Variants in ADSL observed in about 807,000 individuals in gnomAD.
The protein encoded by ADSL is adenylosuccinate lyase.
A neutral mutation model predicts 62.1 loss-of-function variants in ADSL; 44 were observed. The ratio of observed to expected loss-of-function variants is 0.71; its 90% CI spans 0.56 to 0.91. The LOEUF is 0.91. Among genes scored for constraint, ADSL ranks in the 40% least tolerant of loss-of-function variants. ADSL has a pLI of 0.00. For missense variants in ADSL, 531 were observed against 627.4 expected (o/e 0.85, Z 1.64); for synonymous variants, 198 against 220.5 (o/e 0.90, Z 0.90).
At chr22:40,362,630 G>A (rs549846810) in intron 9 of ADSL, among the ~76,000 whole-genome samples, 1 of 152,220 alleles carries the variant, frequency 6.6e-6, no homozygotes, top group Admixed American at 6.5e-5. Context: ...AAAGAGCTTG[G>A]TGAGTGGGGC....
intron 2 of ADSL, among the ~76,000 whole-genome samples, chr22:40,384,258 C>G (rs778729688): frequency 6.6e-6 from 1 of 151,084 alleles, no homozygotes; most frequent in Non-Finnish European, 1.5e-5. Context: ...ACAACAACAA[C>G]GACAAAAAAA....
chr22:40,370,354 CA>C (rs11328048), downstream of ADSL, among the ~76,000 whole-genome samples: 17,374 of 86,386 alleles, frequency 0.2, 1,329 homozygotes, highest in Admixed American at 0.39. Flanking sequence ...GACTCCATCT[CA>C]AAAAAAAAAA....
In ADSL at chr22:40,358,822, GTCTC is replaced by G. The variant is rs3830737; in HGVS notation, c.483-41_483-38del. 0.18 allele frequency: 295,636 copies of G among 1,605,774 alleles called. 32,271 individuals are homozygous for G. Among genetic ancestry groups the G allele is most frequent in the Admixed American group, 0.48 (28,991 of 59,904 alleles). ...AGCAATGAAACCTTGATGATTTAAG[GTCTC>G]GGTCTGAGACTTTCGTGTGTTCTCT... On this transcript the variant is annotated intron_variant, in intron 4 of 12. Coordinates refer to ENST00000623063, the MANE Select transcript of ADSL (RefSeq NM_000026.4).
Position 40,358,931 on chromosome 22 carries a change from C to T in ADSL, c.550C>T (p.Gln184Ter), listed in dbSNP as rs1569096551. The change falls in exon 5 of 13, where the codon CAG (glutamine) becomes TAG (stop). Residue 184 changes from glutamine (Q) to a stop codon, truncating the protein, a stop_gained. Transcript: ENST00000623063. LOFTEE classifies it high-confidence loss of function. ...GATTCAGGATCTTTGCATGGATCTC[C>T]AGAACTTGAAGCGTGTCCGAGATGA... ...LWIQDLCMDL[Q>*]NLKRVRDDLR... 1 of 1,614,174 alleles carries T rather than the reference C, an allele frequency of 6.2e-7. No individual in the cohort carries two copies. The highest frequency in any genetic ancestry group is 8.5e-7 in the Non-Finnish European group (1 of 1,180,032).
At chr22:40,349,374 T>G (rs932057559) in intron 1 of ADSL, among the ~76,000 whole-genome samples, 1 of 141,382 alleles carries the variant, frequency 7.1e-6, no homozygotes, top group African/African-American at 2.5e-5. Context: ...ATTGGAGCTT[T>G]CTTTTTTTTT....
At chr22:40,380,346 T>C (rs1351782738) in intron 2 of ADSL, among the ~76,000 whole-genome samples, 1 of 151,538 alleles carries the variant, frequency 6.6e-6, no homozygotes, top group African/African-American at 2.4e-5. Flanking sequence ...TAGCTTTTTT[T>C]AACCATGAAT....
chr22:40,363,188 C>A, intron 10 of ADSL, 117 bp downstream of exon 10: 1 of 910,430 alleles, frequency 1.1e-6, no homozygotes, highest in Non-Finnish European at 1.8e-6. Flanking sequence ...TCTTCCCACC[C>A]GAGCTCATCC....
intron 2 of ADSL, among the ~76,000 whole-genome samples, chr22:40,351,735 T>C (rs1412692378): frequency 6.6e-6 from 1 of 151,938 alleles, no homozygotes; most frequent in Non-Finnish European, 1.5e-5. Context: ...TGAGACGGAG[T>C]CTCGCTCTGT....
rs1210367027 is a variant in ADSL, at chr22:40,360,408, C to T, written c.708C>T (p.Phe236=). 6.2e-7 allele frequency: 1 copy of T among 1,612,922 alleles called. No homozygotes were observed. Among genetic ancestry groups the T allele is most frequent in the South Asian group, 1.1e-5 (1 of 91,046 alleles). ...VTEKAGFKRA[F]IITGQTYTRK... ...CTCTTGTACTTATTCCTAGAGCTTT[C>T]ATCATCACAGGGCAGACATATACAC... Residue 236 remains phenylalanine, a synonymous_variant, in exon 7 of 13, where the codon TTC becomes TTT. Coordinates refer to ENST00000623063, the MANE Select transcript of ADSL (RefSeq NM_000026.4).
intron 4 of ADSL, among the ~76,000 whole-genome samples, chr22:40,355,344 T>C (rs2044513637): frequency 6.6e-6 from 1 of 152,132 alleles, no homozygotes; most frequent in Non-Finnish European, 1.5e-5. Flanking sequence ...GGTTTCGCCA[T>C]GTTAGCCAGG....
chr22:40,362,936 A>C, intron 9 of ADSL, 45 bp from the exon 10 acceptor site: 2 of 1,544,754 alleles, frequency 1.3e-6, no homozygotes, highest in Non-Finnish European at 1.8e-6. Flanking sequence ...CATTTCACTG[A>C]AATTATTTGT....
intron 1 of ADSL, among the ~76,000 whole-genome samples, chr22:40,347,753 C>T (rs1313890014): frequency 6.6e-6 from 1 of 152,208 alleles, no homozygotes; most frequent in East Asian, 1.9e-4. Flanking sequence ...GCTTATTAAT[C>T]CTCCAAACAA....
chr22:40,385,783 A>G (rs1402954146), intron 2 of ADSL, among the ~76,000 whole-genome samples: 1 of 152,202 alleles, frequency 6.6e-6, no homozygotes, highest in Non-Finnish European at 1.5e-5. Flanking sequence ...GCAACCGTGA[A>G]GATAAATAGC....
intron 2 of ADSL, chr22:40,350,337 A>G (rs1268810509): frequency 2.9e-6 from 1 of 340,036 alleles, no homozygotes; most frequent in African/African-American, 2.2e-5. Context: ...CATGTTAGCC[A>G]GGATGGTCTC....
chr22:40,371,790 G>T (rs952951034), downstream of ADSL, among the ~76,000 whole-genome samples: 1 of 151,734 alleles, frequency 6.6e-6, no homozygotes, highest in Non-Finnish European at 1.5e-5. Flanking sequence ...TCCGCCTCCC[G>T]GATTCAAGTG....
chr22:40,372,252 G>T (rs370146594), downstream of ADSL, among the ~76,000 whole-genome samples: 3 of 149,578 alleles, frequency 2.0e-5, no homozygotes, highest in South Asian at 4.3e-4. Context: ...TCAGCCTCCC[G>T]AGTAGCTGGG....
At chr22:40,369,930 G>A (rs900722999), downstream of ADSL, among the ~76,000 whole-genome samples, 1 of 152,170 alleles carries the variant, frequency 6.6e-6, no homozygotes, top group African/African-American at 2.4e-5. Context: ...CACAGCTTTA[G>A]TGGAAGCACG....
intron 4 of ADSL, among the ~76,000 whole-genome samples, chr22:40,355,025 CAA>C (rs938455963): frequency 8.3e-4 from 127 of 152,186 alleles, no homozygotes; most frequent in African/African-American, 3.0e-3. Flanking sequence ...GTTATGGTAA[CAA>C]AGACAGTTTA....
intron 2 of ADSL, among the ~76,000 whole-genome samples, chr22:40,377,626 A>G (rs1236562863): frequency 6.6e-6 from 1 of 152,152 alleles, no homozygotes; most frequent in Admixed American, 6.5e-5. Context: ...CATTGGGCTA[A>G]GGAGTTTGAG....
Sources: gnomAD v4.1 joint callset for allele counts (sites outside exome capture counted in the v4.1 genomes callset) on GRCh38, gnomAD v4.1.1 for gene constraint, MANE v1.5 for transcripts, NCBI Gene and HGNC (gene_info 2026-07-23, HGNC 2026-07-21) for gene names.